The following SLC35F3 variants were observed in gnomAD, a reference collection of about 807,000 sequenced individuals.
SLC35F3 encodes solute carrier family 35 member F3.
SLC35F3 carries 25 observed loss-of-function variants against 49.9 expected under a neutral mutation model. The ratio of observed to expected loss-of-function variants is 0.50; its 90% CI spans 0.37 to 0.70. The LOEUF (loss-of-function observed/expected upper bound fraction) is 0.70, where lower values mean the gene tolerates loss of function less well. SLC35F3 is among the 30% of genes least tolerant of loss of function. The probability of loss-of-function intolerance (pLI) is 0.00; values close to 1 mark genes in which losing one functional copy is unlikely to be tolerated. For missense variants in SLC35F3, 525 were observed against 639.8 expected, an observed-to-expected ratio of 0.82 and a Z score of 1.94; for synonymous variants, 275 against 265.4, an observed-to-expected ratio of 1.04 and a Z score of -0.35.
At chr1:234,144,907 A>G (rs897491414) in intron 2 of SLC35F3, among the ~76,000 whole-genome samples, 2 of 152,172 alleles carry the variant, frequency 1.3e-5, no homozygotes, top group Non-Finnish European at 2.9e-5. Context: ...GTGGTGTGGG[A>G]GCAGGGAGAG....
At chr1:233,994,771 G>T (rs1415576925) in intron 2 of SLC35F3, among the ~76,000 whole-genome samples, 1 of 151,954 alleles carries the variant, frequency 6.6e-6, no homozygotes, top group Non-Finnish European at 1.5e-5. Flanking sequence ...CGGTTCCCCA[G>T]CCCTCAATTT....
chr1:234,077,283 C>T (rs975087401), intron 2 of SLC35F3, among the ~76,000 whole-genome samples: 5 of 152,092 alleles, frequency 3.3e-5, no homozygotes, highest in African/African-American at 7.2e-5. Context: ...GGATTACAGG[C>T]GTGAGCCACC....
intron 2 of SLC35F3, among the ~76,000 whole-genome samples, chr1:233,958,816 A>G (rs10797507): frequency 0.2 from 31,139 of 152,212 alleles, 3,413 homozygotes; most frequent in East Asian, 0.37. Context: ...TAAGAAAAAG[A>G]CAAACAAGTT....
chr1:234,195,138 C>T lies in SLC35F3; in HGVS notation c.284-36279C>T, dbSNP rs538452788. Among the ~76,000 whole-genome samples the T allele has an allele frequency of 9.8e-5, 15 of 152,288 alleles. No homozygotes were observed. In the South Asian group the frequency reaches 3.1e-3, roughly 32 times the overall value. On this transcript the variant is annotated intron_variant, in intron 2 of 7. Transcript: ENST00000366618. ...GCAAATCAGCAAGTGGAAAGTAACC[C>T]AAGGACACGTGTGGACAGAACCCTT...
intron 3 of SLC35F3, among the ~76,000 whole-genome samples, chr1:234,267,838 G>A (rs1416167181): frequency 2.1e-5 from 3 of 143,376 alleles, no homozygotes; most frequent in South Asian, 2.2e-4. Flanking sequence ...CAGCAGAGGC[G>A]CTCCTCACAT....
chr1:233,945,459 T>C (rs1662498795), intron 2 of SLC35F3, among the ~76,000 whole-genome samples: 1 of 152,210 alleles, frequency 6.6e-6, no homozygotes, highest in Non-Finnish European at 1.5e-5. Flanking sequence ...TGTCTGGTTA[T>C]TGAAGGAAAG....
intron 2 of SLC35F3, among the ~76,000 whole-genome samples, chr1:234,164,120 C>A (rs184531881): frequency 3.4e-5 from 5 of 149,130 alleles, no homozygotes; most frequent in African/African-American, 5.0e-5. Context: ...CTCTCCTCTA[C>A]CTCTCTCTCC....
At chr1:234,163,131 C>G (rs1355083157) in intron 2 of SLC35F3, among the ~76,000 whole-genome samples, 1 of 152,342 alleles carries the variant, frequency 6.6e-6, no homozygotes, top group African/African-American at 2.4e-5. Flanking sequence ...AGTGCCTATA[C>G]CCAGAAGGAC....
intron 2 of SLC35F3, among the ~76,000 whole-genome samples, chr1:233,989,427 C>G (rs1162694957): frequency 6.6e-6 from 1 of 152,088 alleles, no homozygotes; most frequent in Non-Finnish European, 1.5e-5. Context: ...AAAAGTCAAG[C>G]AATATAAGCT....
At chr1:234,207,585 A>G (rs1249122103) in intron 2 of SLC35F3, among the ~76,000 whole-genome samples, 1 of 151,464 alleles carries the variant, frequency 6.6e-6, no homozygotes, top group African/African-American at 2.4e-5. Context: ...AAAGGCTAAC[A>G]AGACCTAGGA....
intron 2 of SLC35F3, among the ~76,000 whole-genome samples, chr1:234,205,966 G>A (rs770983717): frequency 6.6e-6 from 1 of 152,182 alleles, no homozygotes; most frequent in Non-Finnish European, 1.5e-5. Flanking sequence ...ATGTTGGGAG[G>A]AAGGACCTGC....
intron 3 of SLC35F3, among the ~76,000 whole-genome samples, chr1:234,265,703 C>G (rs577563725): frequency 6.6e-6 from 1 of 152,194 alleles, no homozygotes; most frequent in Non-Finnish European, 1.5e-5. Flanking sequence ...CAACACAGAA[C>G]AGTCCTTGAG....
At chr1:234,162,857 G>A (rs1424617553) in intron 2 of SLC35F3, among the ~76,000 whole-genome samples, 1 of 152,170 alleles carries the variant, frequency 6.6e-6, no homozygotes, top group Non-Finnish European at 1.5e-5. Context: ...TTTCTCTCAG[G>A]AATTCAAGGT....
intron 3 of SLC35F3, among the ~76,000 whole-genome samples, chr1:234,281,984 T>A (rs1247609814): frequency 6.6e-6 from 1 of 151,958 alleles, no homozygotes; most frequent in Non-Finnish European, 1.5e-5. Flanking sequence ...TTAAGCGCTG[T>A]TTTTTTCCAA....
intron 2 of SLC35F3, among the ~76,000 whole-genome samples, chr1:234,143,972 A>G (rs1449712102): frequency 1.3e-5 from 2 of 152,164 alleles, no homozygotes; most frequent in African/African-American, 4.8e-5. Flanking sequence ...GGATATAGGA[A>G]TGGCTTAGCA....
chr1:234,099,465 C>G (rs1665180966), intron 2 of SLC35F3, among the ~76,000 whole-genome samples: 1 of 152,018 alleles, frequency 6.6e-6, no homozygotes, highest in Non-Finnish European at 1.5e-5. Flanking sequence ...CAAAAATTAG[C>G]TGGGTGTGGT....
At chr1:234,297,446 T>C (rs570312129) in intron 3 of SLC35F3, among the ~76,000 whole-genome samples, 28 of 152,386 alleles carry the variant, frequency 1.8e-4, no homozygotes, top group Admixed American at 1.8e-3. Context: ...CATGTAATAC[T>C]ATTCAGCCTT....
intron 2 of SLC35F3, among the ~76,000 whole-genome samples, chr1:234,129,616 A>T (rs1053688737): frequency 6.6e-6 from 1 of 152,206 alleles, no homozygotes; most frequent in Non-Finnish European, 1.5e-5. Context: ...AATACAAAAG[A>T]ACTCAGACTA....
chr1:234,068,103 T>C (rs1227464737), intron 2 of SLC35F3, among the ~76,000 whole-genome samples: 2 of 152,124 alleles, frequency 1.3e-5, no homozygotes, highest in Non-Finnish European at 1.5e-5. Flanking sequence ...TTAAGGATAA[T>C]GAACCACTTA....
Sources: gnomAD v4.1 joint callset for allele counts (sites outside exome capture counted in the v4.1 genomes callset) on GRCh38, gnomAD v4.1.1 for gene constraint, MANE v1.5 for transcripts, NCBI Gene and HGNC (gene_info 2026-07-23, HGNC 2026-07-21) for gene names.